The following SYNDIG1 variants were observed in gnomAD, a reference collection of about 807,000 sequenced individuals.
SYNDIG1 encodes synapse differentiation-inducing gene protein 1.
Under a neutral mutation model 19.4 loss-of-function variants are expected in SYNDIG1, and 9 were observed. That is an observed-to-expected ratio of 0.46 (90% CI 0.28 to 0.81). SYNDIG1 has a LOEUF of 0.81. SYNDIG1 is among the 30% of genes least tolerant of loss of function. The probability of loss-of-function intolerance (pLI) is 0.12; values close to 1 mark genes in which losing one functional copy is unlikely to be tolerated. For synonymous variants in SYNDIG1, 141 were observed against 145.9 expected (o/e 0.97, Z 0.24); for missense variants, 311 against 343.3 (o/e 0.91, Z 0.74).
chr20:24,616,458 A>G (rs1319230664), intron 3 of SYNDIG1, among the ~76,000 whole-genome samples: 1 of 152,224 alleles, frequency 6.6e-6, no homozygotes, highest in Non-Finnish European at 1.5e-5. Flanking sequence ...ATAAGCTCCC[A>G]TTCCAGACAG....
intron 1 of SYNDIG1, among the ~76,000 whole-genome samples, chr20:24,486,599 G>A (rs558635695): frequency 6.6e-6 from 1 of 151,732 alleles, no homozygotes; most frequent in Admixed American, 6.5e-5. Flanking sequence ...GTGGGTCGCT[G>A]GAACCTGAGA....
chr20:24,626,668 T>G (rs1206729752), intron 3 of SYNDIG1, among the ~76,000 whole-genome samples: 1 of 151,688 alleles, frequency 6.6e-6, no homozygotes, highest in South Asian at 2.1e-4. Context: ...ACTTCCCAGA[T>G]GGGGTAGCGG....
chr20:24,505,088 T>C (rs1054009484), intron 1 of SYNDIG1, among the ~76,000 whole-genome samples: 2 of 151,832 alleles, frequency 1.3e-5, no homozygotes, highest in African/African-American at 2.4e-5. Flanking sequence ...TTCACAGACG[T>C]GGTGGGTGAG....
chr20:24,577,995 A>G (rs144316316), intron 2 of SYNDIG1, among the ~76,000 whole-genome samples: 95 of 151,990 alleles, frequency 6.3e-4, no homozygotes, highest in Middle Eastern at 3.4e-3. Context: ...TCACCACTTT[A>G]GTTAGTGTTG....
At chr20:24,484,021 A>G (rs1187251870) in intron 1 of SYNDIG1, among the ~76,000 whole-genome samples, 4 of 152,076 alleles carry the variant, frequency 2.6e-5, no homozygotes, top group Non-Finnish European at 5.9e-5. Context: ...CGCACCTAGG[A>G]GGTGGAAGTT....
chr20:24,660,425 C>CT (rs1011559838), intron 3 of SYNDIG1, among the ~76,000 whole-genome samples: 3 of 152,180 alleles, frequency 2.0e-5, no homozygotes, highest in African/African-American at 7.2e-5. Flanking sequence ...CTTGGCCTTG[C>CT]TGGAGGGTCC....
chr20:24,536,326 T>C (rs1317738527), intron 1 of SYNDIG1, among the ~76,000 whole-genome samples: 1 of 152,122 alleles, frequency 6.6e-6, no homozygotes, highest in Non-Finnish European at 1.5e-5. Context: ...AGAATGGACA[T>C]TTGTCTCCAG....
At chr20:24,614,234 G>T (rs2058894147) in intron 3 of SYNDIG1, among the ~76,000 whole-genome samples, 1 of 152,082 alleles carries the variant, frequency 6.6e-6, no homozygotes, top group African/African-American at 2.4e-5. Context: ...GAACTCTTGG[G>T]CTTAAATGAT....
chr20:24,655,630 C>G (rs2059517213), intron 3 of SYNDIG1, among the ~76,000 whole-genome samples: 1 of 152,264 alleles, frequency 6.6e-6, no homozygotes, highest in South Asian at 2.1e-4. Context: ...TACTATACAC[C>G]TTTTGGTGTC....
intron 1 of SYNDIG1, among the ~76,000 whole-genome samples, chr20:24,496,963 C>G (rs2056319205): frequency 6.6e-6 from 1 of 152,168 alleles, no homozygotes; most frequent in Non-Finnish European, 1.5e-5. Flanking sequence ...TAGATCCAGC[C>G]TTAGTAGGCT....
intron 2 of SYNDIG1, among the ~76,000 whole-genome samples, chr20:24,567,793 A>T (rs775345576): frequency 6.6e-6 from 1 of 152,152 alleles, no homozygotes; most frequent in African/African-American, 2.4e-5. Flanking sequence ...GGCCCATGTG[A>T]TGTGCGTATG....
chr20:24,564,630 T>C (rs2058007218), intron 2 of SYNDIG1, among the ~76,000 whole-genome samples: 1 of 152,196 alleles, frequency 6.6e-6, no homozygotes, highest in African/African-American at 2.4e-5. Context: ...GGATAGTCTG[T>C]CCTTACAGAT....
intron 2 of SYNDIG1, among the ~76,000 whole-genome samples, chr20:24,583,284 G>A (rs2058360119): frequency 6.6e-6 from 1 of 152,210 alleles, no homozygotes; most frequent in African/African-American, 2.4e-5. Context: ...TCACGGGGTG[G>A]GCCCACCTGC....
intron 3 of SYNDIG1, among the ~76,000 whole-genome samples, chr20:24,651,470 G>A (rs745491589): frequency 2.6e-5 from 4 of 152,064 alleles, no homozygotes; most frequent in Non-Finnish European, 2.9e-5. Context: ...GCAGAGAAAC[G>A]ACCACACATG....
At chr20:24,640,471 AAAGAAGG>A (rs1399779579) in intron 3 of SYNDIG1, among the ~76,000 whole-genome samples, 6 of 118,594 alleles carry the variant, frequency 5.1e-5, no homozygotes, top group African/African-American at 1.6e-4. Flanking sequence ...GGAGGGAGGG[AAAGAAGG>A]AAGGAAGGAA....
At chr20:24,607,545 C>T (rs189071590) in intron 3 of SYNDIG1, among the ~76,000 whole-genome samples, 2 of 151,190 alleles carry the variant, frequency 1.3e-5, no homozygotes, top group African/African-American at 4.9e-5. Context: ...GTTCACCCCT[C>T]CTGCTGCCTG....
chr20:24,552,393 G>A (rs971086207), intron 2 of SYNDIG1, among the ~76,000 whole-genome samples: 1 of 152,036 alleles, frequency 6.6e-6, no homozygotes, highest in Non-Finnish European at 1.5e-5. Context: ...TGCCATGCTG[G>A]TGTGCTGCAC....
intron 1 of SYNDIG1, among the ~76,000 whole-genome samples, chr20:24,476,694 A>G (rs2055638124): frequency 6.6e-6 from 1 of 152,068 alleles, no homozygotes; most frequent in Non-Finnish European, 1.5e-5. Context: ...AAACAAACAA[A>G]AAAAACAAAA....
intron 1 of SYNDIG1, among the ~76,000 whole-genome samples, chr20:24,489,645 C>A (rs772541113): frequency 6.6e-6 from 1 of 152,164 alleles, no homozygotes; most frequent in Admixed American, 6.5e-5. Flanking sequence ...AACAGACATA[C>A]ATTCACCACA....
Sources: allele counts gnomAD v4.1 joint callset (sites outside exome capture counted in the v4.1 genomes callset), GRCh38; gene constraint gnomAD v4.1.1; transcripts MANE v1.5; gene names NCBI Gene and HGNC (gene_info 2026-07-23, HGNC 2026-07-21).